Variants in FGD6 observed in about 807,000 individuals in gnomAD.
FGD6 encodes the protein FYVE, RhoGEF and PH domain-containing protein 6.
FGD6 carries 90 observed loss-of-function variants against 149.4 expected under a neutral mutation model. That is an observed-to-expected ratio of 0.60 (90% CI 0.51 to 0.72). FGD6 has a LOEUF of 0.72. Ranked by LOEUF, FGD6 falls within the 30% of genes least tolerant of loss-of-function variation. FGD6 has a pLI of 0.00. For synonymous variants in FGD6, 527 were observed against 584.0 expected (o/e 0.90, Z 1.41); for missense variants, 1,437 against 1,684.8 (o/e 0.85, Z 2.57).
Position 95,081,684 on chromosome 12 carries a change from TA to T in FGD6, c.4257-129del, listed in dbSNP as rs372016169. The T allele has an allele frequency of 8.5e-5, 28 of 329,100 alleles. No individual in the cohort carries two copies. The South Asian group carries it at 2.8e-3, about 33-fold the overall frequency. The allele number at this position is 329,100 out of a possible 1,614,324, so 20.4% of individuals were successfully genotyped here. ...CATAGGTAAGATATATATATATATG[TA>T]TTTTTTTTTTTTTTTTGAGACAGAG... On this transcript the variant is annotated intron_variant, in intron 20 of 20. Coordinates refer to ENST00000343958, the MANE Select transcript of FGD6 (RefSeq NM_018351.4).
chr12:95,085,032 G>C (rs572653230), intron 19 of FGD6, among the ~76,000 whole-genome samples: 1 of 152,272 alleles, frequency 6.6e-6, no homozygotes, highest in East Asian at 1.9e-4. Flanking sequence ...GTTTTCATAG[G>C]ATGGTGGAAC....
intron 2 of FGD6, among the ~76,000 whole-genome samples, chr12:95,187,167 T>C (rs1351410359): frequency 6.7e-6 from 1 of 149,142 alleles, no homozygotes; most frequent in South Asian, 2.1e-4. Flanking sequence ...CCATCTCTAC[T>C]AAAAATATAA....
intron 2 of FGD6, among the ~76,000 whole-genome samples, chr12:95,208,040 C>T (rs1325646761): frequency 6.6e-6 from 1 of 152,038 alleles, no homozygotes; most frequent in Non-Finnish European, 1.5e-5. Context: ...TGCTTGAGCC[C>T]AGGAGTTCAA....
intron 17 of FGD6, among the ~76,000 whole-genome samples, chr12:95,089,949 G>A (rs972782001): frequency 5.9e-5 from 9 of 151,940 alleles, no homozygotes; most frequent in Admixed American, 2.6e-4. Flanking sequence ...TATGAAACAC[G>A]TGACTATACT....
Position 95,177,171 on chromosome 12 carries a change from T to G in FGD6, c.2442-4427A>C, listed in dbSNP as rs529047261. Among the ~76,000 whole-genome samples the G allele has an allele frequency of 2.1e-4, 32 of 152,046 alleles. 2 individuals are homozygous for G. The Middle Eastern group carries it at 0.014, about 65-fold the overall frequency. On this transcript the variant is annotated intron_variant, in intron 2 of 20. Transcript: ENST00000343958. Reference sequence around the variant, plus strand: ...ATACTAAATCCATTTCCTCTAAGAGTTTTTAGGAACAGAAAACCTGTACAA... The same window carrying G: ...ATACTAAATCCATTTCCTCTAAGAGGTTTTAGGAACAGAAAACCTGTACAA...
chr12:95,154,840 C>G (rs1453933562), intron 3 of FGD6, among the ~76,000 whole-genome samples: 1 of 152,100 alleles, frequency 6.6e-6, no homozygotes, highest in Non-Finnish European at 1.5e-5. Flanking sequence ...CTAAAGTAGT[C>G]TTCTTTTTAA....
At chr12:95,102,776 C>T (rs1395783513) in intron 14 of FGD6, among the ~76,000 whole-genome samples, 3 of 151,998 alleles carry the variant, frequency 2.0e-5, no homozygotes, top group African/African-American at 7.3e-5. Flanking sequence ...CATTCATGGA[C>T]GTAAGCAAAA....
chr12:95,093,516 C>T (rs1273982376), intron 15 of FGD6, among the ~76,000 whole-genome samples: 1 of 151,642 alleles, frequency 6.6e-6, no homozygotes, highest in East Asian at 2.0e-4. Flanking sequence ...CCTGTCTCTA[C>T]TAAAAATAAC....
chr12:95,135,105 A>C (rs1565904866), intron 7 of FGD6, among the ~76,000 whole-genome samples: 1 of 152,182 alleles, frequency 6.6e-6, no homozygotes, highest in Non-Finnish European at 1.5e-5. Flanking sequence ...TGGTAGCCAC[A>C]GTCTGTGTCC....
chr12:95,148,114 A>G lies in FGD6; in HGVS notation c.2685+4697T>C, dbSNP rs1002696184. Among the ~76,000 whole-genome samples, 9 of 152,252 alleles carry G rather than the reference A, an allele frequency of 5.9e-5. No homozygotes were observed. In the South Asian group the frequency reaches 1.9e-3, roughly 32 times the overall value. On this transcript the variant is annotated intron_variant, in intron 5 of 20. Coordinates refer to ENST00000343958, the MANE Select transcript of FGD6 (RefSeq NM_018351.4). Reference sequence around the variant, plus strand: ...AGCTGCTCCAGAGTGAAGGTTTGGTAGCCATGTCAACAGAAGCTAGAGAAA... The same window carrying G: ...AGCTGCTCCAGAGTGAAGGTTTGGTGGCCATGTCAACAGAAGCTAGAGAAA...
intron 2 of FGD6, among the ~76,000 whole-genome samples, chr12:95,186,228 CTTTTTT>C (rs1174763781): frequency 2.6e-5 from 1 of 39,004 alleles, no homozygotes; most frequent in East Asian, 7.0e-4. Context: ...TATTCTTCTT[CTTTTTT>C]TTTTTTTTTT....
intron 3 of FGD6, 140 bp downstream of exon 3, chr12:95,172,460 T>C (rs1266959888): frequency 4.2e-6 from 3 of 711,336 alleles, no homozygotes; most frequent in South Asian, 2.9e-5. Flanking sequence ...TGCCACATTA[T>C]AGCAGGAATT....
chr12:95,087,096 C>G (rs1877905708), intron 18 of FGD6, among the ~76,000 whole-genome samples: 1 of 152,158 alleles, frequency 6.6e-6, no homozygotes, highest in Non-Finnish European at 1.5e-5. Flanking sequence ...TCCCAAAGTG[C>G]TGGGATTACA....
rs1008146546 is a variant in FGD6, at chr12:95,094,577, A to G, written c.3600+15T>C. 1.3e-6 allele frequency: 2 copies of G among 1,527,760 alleles called. No homozygotes were observed. The highest frequency in any genetic ancestry group is 1.2e-5 in the South Asian group (1 of 83,066). The allele number at this position is 1,527,760 out of a possible 1,614,324, so 94.6% of individuals were successfully genotyped here. ...GAAATGCACTGGAAAAAAAAAAAAA[A>G]GGAGAAAACAATACCTCATCAAGAC... On this transcript the variant is annotated intron_variant, in intron 15 of 20. Coordinates refer to ENST00000343958, the MANE Select transcript of FGD6 (RefSeq NM_018351.4).
intron 2 of FGD6, among the ~76,000 whole-genome samples, chr12:95,175,513 A>G (rs192876796): frequency 1.0e-3 from 158 of 152,316 alleles, no homozygotes; most frequent in African/African-American, 3.5e-3. Context: ...TGGGAGGCCA[A>G]AGTGGGTGGA....
intron 19 of FGD6, chr12:95,085,466 A>C: frequency 3.2e-6 from 1 of 310,858 alleles, no homozygotes. Flanking sequence ...AGCCTCCCAA[A>C]GTGCTGGGAT....
chr12:95,195,133 T>C (rs1331638409), intron 2 of FGD6, among the ~76,000 whole-genome samples: 1 of 152,228 alleles, frequency 6.6e-6, no homozygotes, highest in East Asian at 1.9e-4. Context: ...ATAAATTTTA[T>C]ATTTAAAATG....
intron 7 of FGD6, 119 bp downstream of exon 7, chr12:95,137,403 G>A (rs890915771): frequency 5.1e-5 from 42 of 819,898 alleles, no homozygotes; most frequent in Admixed American, 2.1e-4. Context: ...GATTTTGAAG[G>A]GATTACTTTT....
intron 13 of FGD6, among the ~76,000 whole-genome samples, chr12:95,105,473 T>C (rs1878581321): frequency 6.6e-6 from 1 of 152,224 alleles, no homozygotes; most frequent in Non-Finnish European, 1.5e-5. Context: ...CTTTATTTTC[T>C]GAATTCCCAA....
Sources: allele counts gnomAD v4.1 joint callset (sites outside exome capture counted in the v4.1 genomes callset), GRCh38; gene constraint gnomAD v4.1.1; transcripts MANE v1.5; gene names NCBI Gene and HGNC (gene_info 2026-07-23, HGNC 2026-07-21).